The following CLPSL1 variants were observed in gnomAD, a reference collection of about 807,000 sequenced individuals.
The protein encoded by CLPSL1 is colipase-like protein 1.
Under a neutral mutation model 9.3 loss-of-function variants are expected in CLPSL1, and 13 were observed. That is an observed-to-expected ratio of 1.40 (90% CI 0.91 to 2.22). The LOEUF (loss-of-function observed/expected upper bound fraction) is 2.22. Ranked by LOEUF, CLPSL1 falls within the 30% of genes most tolerant of loss-of-function variation. The pLI is 0.00. For missense variants in CLPSL1, 164 were observed against 146.6 expected (o/e 1.12, Z -0.61); for synonymous variants, 58 against 56.9 (o/e 1.02, Z -0.08).
chr6:35,793,650 T>C (rs1019722091), exon 2 of CLPSL1: 1 of 457,282 alleles, frequency 2.2e-6, no homozygotes, highest in Middle Eastern at 3.3e-4. Context: ...ATGAGAAATA[T>C]ACGTTCCTAT....
intron 1 of CLPSL1, among the ~76,000 whole-genome samples, chr6:35,784,833 G>A (rs2151060467): frequency 6.6e-6 from 1 of 152,352 alleles, no homozygotes; most frequent in South Asian, 2.1e-4. Context: ...CAACTGAGGG[G>A]CATAAAGCAG....
chr6:35,781,298 G>A, intron 1 of CLPSL1, 89 bp downstream of exon 1: 2 of 1,515,666 alleles, frequency 1.3e-6, no homozygotes, highest in East Asian at 2.4e-5. Flanking sequence ...GGGGGCTAGT[G>A]TGGGAGAAGG....
intron 1 of CLPSL1, among the ~76,000 whole-genome samples, chr6:35,781,855 C>T (rs1185032433): frequency 6.6e-6 from 1 of 151,834 alleles, no homozygotes; most frequent in Non-Finnish European, 1.5e-5. Flanking sequence ...AAGCGATTCC[C>T]CTGCCTCAGC....
chr6:35,783,236 C>T (rs955432540), intron 1 of CLPSL1, among the ~76,000 whole-genome samples: 1 of 152,184 alleles, frequency 6.6e-6, no homozygotes, highest in East Asian at 1.9e-4. Flanking sequence ...TTGGGCCAGG[C>T]GCAGTGGCTC....
chr6:35,789,657 G>A (rs1408449468), downstream of CLPSL1, among the ~76,000 whole-genome samples: 3 of 152,368 alleles, frequency 2.0e-5, no homozygotes, highest in African/African-American at 7.2e-5. Context: ...ACTGTGGGAG[G>A]CCGAGTTGGG....
chr6:35,791,289 T>C (rs1768203100), downstream of CLPSL1, among the ~76,000 whole-genome samples: 1 of 152,214 alleles, frequency 6.6e-6, no homozygotes, highest in Non-Finnish European at 1.5e-5. Flanking sequence ...AAACACATTG[T>C]TTAAGTTGAA....
chr6:35,788,546 C>T (rs1292529750), downstream of CLPSL1, among the ~76,000 whole-genome samples: 2 of 152,216 alleles, frequency 1.3e-5, no homozygotes, highest in Non-Finnish European at 2.9e-5. Context: ...TCATTTAATC[C>T]TGCAACAAAC....
At chr6:35,789,366 G>A (rs1297352262), downstream of CLPSL1, among the ~76,000 whole-genome samples, 1 of 152,254 alleles carries the variant, frequency 6.6e-6, no homozygotes, top group Admixed American at 6.5e-5. Context: ...TCAATAAATG[G>A]TGTTGGGAAA....
intron 1 of CLPSL1, 27 bp from the exon 2 acceptor site, chr6:35,786,971 C>T (rs1309663347): frequency 6.4e-7 from 1 of 1,558,852 alleles, no homozygotes; most frequent in African/African-American, 1.3e-5. Flanking sequence ...GCGGTGGAGC[C>T]TGGCGGTGCC....
At position 35,781,052 on chromosome 6, in the gene CLPSL1, A is replaced by G. The variant is rs1767956305; in HGVS notation, c.-59A>G. The G allele has an allele frequency of 6.3e-7, 1 of 1,599,118 alleles. No individual in the cohort carries two copies. Among genetic ancestry groups the G allele is most frequent in the East Asian group, 2.2e-5 (1 of 44,740 alleles). On this transcript the variant is annotated 5_prime_UTR_variant, in exon 1 of 3. It removes an upstream start codon present in the reference 5' UTR. Coordinates refer to ENST00000373861, the MANE Select transcript of CLPSL1 (RefSeq NM_001010886.5). ...TTCCCACAGCTGGGAGGACACCCACATGGTCGGCGTGCAGGATATTTCGCT... is the reference window on the plus strand; with the variant it reads ...TTCCCACAGCTGGGAGGACACCCACGTGGTCGGCGTGCAGGATATTTCGCT...
chr6:35,783,297 C>T (rs146278077), intron 1 of CLPSL1, among the ~76,000 whole-genome samples: 1,599 of 152,166 alleles, frequency 0.011, 21 homozygotes, highest in South Asian at 0.034. Context: ...GATCACCTGA[C>T]GTCAAGAGTT....
chr6:35,790,999 C>T (rs992351154), downstream of CLPSL1, among the ~76,000 whole-genome samples: 6 of 150,568 alleles, frequency 4.0e-5, no homozygotes, highest in South Asian at 2.1e-4. Context: ...GAGCCATGGT[C>T]GCACCACTGC....
Position 35,788,117 on chromosome 6 carries a change from T to C in CLPSL1, c.*107T>C, listed in dbSNP as rs531310604. On this transcript the variant is annotated 3_prime_UTR_variant, in exon 3 of 3. Transcript: ENST00000373861. The stretch of plus-strand genomic sequence containing the variant: ...AGCCTCCACCATGAGTGGAGGGAAG[T>C]GGGGAGTGATTGAAATAAAGAGCTT... The C allele has an allele frequency of 3.7e-5, 28 of 758,770 alleles. No homozygotes were observed. Among genetic ancestry groups the C allele is most frequent in the South Asian group, 3.6e-4 (27 of 74,006 alleles). 47.0% of individuals were successfully genotyped at this position (758,770 alleles called of 1,614,324 possible).
downstream of CLPSL1, among the ~76,000 whole-genome samples, chr6:35,788,449 A>C (rs1248767690): frequency 6.6e-6 from 1 of 152,258 alleles, no homozygotes; most frequent in Non-Finnish European, 1.5e-5. Context: ...AGGTACACAA[A>C]ATATCCATGT....
intron 1 of CLPSL1, among the ~76,000 whole-genome samples, chr6:35,784,111 T>C (rs1024897071): frequency 6.6e-6 from 1 of 152,118 alleles, no homozygotes; most frequent in African/African-American, 2.4e-5. Flanking sequence ...GGAGACATAA[T>C]ATGTCAGTCA....
downstream of CLPSL1, among the ~76,000 whole-genome samples, chr6:35,792,094 C>T (rs372513695): frequency 3.1e-5 from 3 of 98,128 alleles, no homozygotes; most frequent in African/African-American, 1.2e-4. Context: ...TTCCCCCCGC[C>T]ACAAAAATAA....
At chr6:35,792,466 C>T (rs1457727273), downstream of CLPSL1, among the ~76,000 whole-genome samples, 2 of 152,240 alleles carry the variant, frequency 1.3e-5, no homozygotes, top group African/African-American at 4.8e-5. Context: ...GCTTTTGCAC[C>T]ATCATAAAGT....
At chr6:35,788,454 C>T (rs576121890), downstream of CLPSL1, among the ~76,000 whole-genome samples, 2 of 152,386 alleles carry the variant, frequency 1.3e-5, no homozygotes, top group East Asian at 3.9e-4. Flanking sequence ...CACAAAATAT[C>T]CATGTGTATA....
chr6:35,791,608 C>CA (rs72328042), downstream of CLPSL1, among the ~76,000 whole-genome samples: 837 of 138,392 alleles, frequency 6.0e-3, no homozygotes, highest in East Asian at 0.015. Flanking sequence ...ACTCTGTCTC[C>CA]AAAAAAAAAA....
Sources: allele counts gnomAD v4.1 joint callset (sites outside exome capture counted in the v4.1 genomes callset), GRCh38; gene constraint gnomAD v4.1.1; transcripts MANE v1.5; gene names NCBI Gene and HGNC (gene_info 2026-07-23, HGNC 2026-07-21).